CD6: variants seen among roughly 807,000 people sequenced by gnomAD.
CD6 encodes CD6 molecule.
CD6 carries 53 observed loss-of-function variants against 75.3 expected under a neutral mutation model. The observed-to-expected ratio is 0.70, with a 90% CI of 0.56 to 0.88. The LOEUF is 0.88. Among genes scored for constraint, CD6 ranks in the 40% least tolerant of loss-of-function variants. The pLI is 0.00. For synonymous variants in CD6, 359 were observed against 381.5 expected, an observed-to-expected ratio of 0.94 and a Z score of 0.69; for missense variants, 770 against 897.1, an observed-to-expected ratio of 0.86 and a Z score of 1.81.
At chr11:61,004,834 C>T (rs1236586209) in intron 1 of CD6, among the ~76,000 whole-genome samples, 1 of 152,242 alleles carries the variant, frequency 6.6e-6, no homozygotes, top group Non-Finnish European at 1.5e-5. Context: ...CAACCCAGGG[C>T]CTCTAATATC....
chr11:61,016,827 G>A (rs1048771233), intron 9 of CD6: 1 of 152,448 alleles, frequency 6.6e-6, no homozygotes, highest in African/African-American at 2.4e-5. Flanking sequence ...GGCTTCTGGG[G>A]GTGGGACACG....
At chr11:60,991,193 C>T (rs1394030485) in intron 1 of CD6, among the ~76,000 whole-genome samples, 1 of 127,982 alleles carries the variant, frequency 7.8e-6, no homozygotes, top group Non-Finnish European at 1.6e-5. Flanking sequence ...TCTTGTTGTC[C>T]AGGCTGGAGT....
chr11:61,007,491 A>G lies in CD6; in HGVS notation c.119-69A>G, dbSNP rs1192643763. ...GTTGTCAAAGTTCACGCACAGAGTC[A>G]GTGGCAGAGCCTGGGCAACCCTCTG... is the stretch of plus-strand genomic sequence containing the variant. On this transcript the variant is annotated intron_variant, in intron 2 of 12. Transcript: ENST00000313421. The surrounding 1 kb of genome is among the most constrained non-coding windows in gnomAD (Gnocchi z 4.2). 4 of 1,194,078 alleles carry G rather than the reference A, an allele frequency of 3.3e-6. No individual in the cohort carries two copies. The African/African-American group carries it at 6.5e-5, about 19-fold the overall frequency. The allele number at this position is 1,194,078 out of a possible 1,614,324, so 74.0% of individuals were successfully genotyped here.
chr11:60,982,891 G>C, intron 1 of CD6: 1 of 384,496 alleles, frequency 2.6e-6, no homozygotes. Context: ...GGGCCTGTGT[G>C]AACCAGGCAC....
At chr11:60,978,114 A>T (rs994708777) in intron 1 of CD6, among the ~76,000 whole-genome samples, 1 of 152,210 alleles carries the variant, frequency 6.6e-6, no homozygotes, top group African/African-American at 2.4e-5. Flanking sequence ...TCATCATGTA[A>T]TATAGTGGTA....
chr11:61,018,480 C>CAAGGGGAAAAGGAGCAAGG, intron 12 of CD6, 87 bp downstream of exon 12: 1 of 887,094 alleles, frequency 1.1e-6, no homozygotes, highest in Non-Finnish European at 1.7e-6. Context: ...TGCATTCGCT[C>CAAGGGGAAAAGGAGCAAGG]AAGGGGAAAA....
At chr11:61,013,772 T>G (rs1859268081) in intron 7 of CD6, 147 bp from the exon 8 acceptor site, 1 of 722,238 alleles carries the variant, frequency 1.4e-6, no homozygotes, top group Non-Finnish European at 2.3e-6. Flanking sequence ...GTGCCTGTGT[T>G]TGTGTGTGTG....
intron 9 of CD6, among the ~76,000 whole-genome samples, chr11:61,016,357 C>T (rs1859405541): frequency 1.3e-5 from 2 of 152,212 alleles, no homozygotes; most frequent in African/African-American, 4.8e-5. Context: ...CCTGGCAATG[C>T]TGGGAGGTTG....
At chr11:60,994,011 T>C (rs1369934943) in intron 1 of CD6, among the ~76,000 whole-genome samples, 1 of 151,852 alleles carries the variant, frequency 6.6e-6, no homozygotes, top group African/African-American at 2.4e-5. Context: ...CAGAGGCGAG[T>C]AGGAAACGTT....
chr11:60,996,917 G>A (rs1380276002), intron 1 of CD6, among the ~76,000 whole-genome samples: 2 of 152,216 alleles, frequency 1.3e-5, no homozygotes, highest in African/African-American at 4.8e-5. Flanking sequence ...ATGGATGACA[G>A]TCTAAGGCTC....
chr11:61,017,395 C>T, intron 9 of CD6, 84 bp from the exon 10 acceptor site: 2 of 1,079,842 alleles, frequency 1.9e-6, no homozygotes, highest in South Asian at 1.3e-5. Flanking sequence ...CCTACCCAGG[C>T]CCCGGGAAAT....
At chr11:61,003,360 G>C (rs933252206) in intron 1 of CD6, among the ~76,000 whole-genome samples, 1 of 152,114 alleles carries the variant, frequency 6.6e-6, no homozygotes, top group Non-Finnish European at 1.5e-5. Flanking sequence ...ACCATAGCAG[G>C]CTCCTTTTCA....
At chr11:60,997,961 C>T (rs1341980278) in intron 1 of CD6, among the ~76,000 whole-genome samples, 2 of 152,148 alleles carry the variant, frequency 1.3e-5, no homozygotes, top group Non-Finnish European at 2.9e-5. Flanking sequence ...TCTCTAAGCC[C>T]TTCAAATGTA....
In CD6 at chr11:60,996,611, T is replaced by C. The variant is rs552534847; in HGVS notation, c.50-9963T>C. 9.2e-5 allele frequency among the ~76,000 whole-genome samples: 14 copies of C among 152,332 alleles called. No homozygotes were observed. In the South Asian group the frequency reaches 2.9e-3, roughly 32 times the overall value. On this transcript the variant is annotated intron_variant, in intron 1 of 12. Coordinates refer to ENST00000313421, the MANE Select transcript of CD6 (RefSeq NM_006725.5). Reference sequence around the variant, plus strand: ...GCTCGGGACAAAAGGCCAGTCTTCATACACAAGATGCACGGTGGTCTGCAG... The same window carrying C: ...GCTCGGGACAAAAGGCCAGTCTTCACACACAAGATGCACGGTGGTCTGCAG...
intron 1 of CD6, among the ~76,000 whole-genome samples, chr11:60,987,293 C>T (rs932534222): frequency 3.9e-5 from 6 of 152,138 alleles, no homozygotes; most frequent in South Asian, 2.1e-4. Context: ...CCCCAATCTC[C>T]GCCTTATCTT....
At chr11:61,005,291 G>A (rs1858794636) in intron 1 of CD6, among the ~76,000 whole-genome samples, 1 of 152,378 alleles carries the variant, frequency 6.6e-6, no homozygotes, top group Non-Finnish European at 1.5e-5. Flanking sequence ...GTAGGAGACA[G>A]TCAAGGAGAG....
chr11:60,987,359 A>G (rs905332909), intron 1 of CD6, among the ~76,000 whole-genome samples: 1 of 152,188 alleles, frequency 6.6e-6, no homozygotes, highest in Non-Finnish European at 1.5e-5. Flanking sequence ...TTCTGTGAGG[A>G]CAACAGTCAT....
intron 5 of CD6, among the ~76,000 whole-genome samples, chr11:61,010,860 G>C (rs755898740): frequency 6.7e-6 from 1 of 150,154 alleles, no homozygotes; most frequent in Non-Finnish European, 1.5e-5. Context: ...TAACCAAAGA[G>C]CCTTCCCAGC....
chr11:61,017,123 A>G (rs181280855), intron 9 of CD6: 77 of 263,980 alleles, frequency 2.9e-4, no homozygotes, highest in African/African-American at 1.6e-3. Flanking sequence ...TCACTCTAGG[A>G]AGGCTTCTTG....
Sources: gnomAD v4.1 joint callset for allele counts (sites outside exome capture counted in the v4.1 genomes callset) on GRCh38, gnomAD v4.1.1 for gene constraint, Gnocchi (gnomAD v3.1) non-coding constraint, MANE v1.5 for transcripts, NCBI Gene and HGNC (gene_info 2026-07-23, HGNC 2026-07-21) for gene names.